PLA2G4D: variants seen among roughly 807,000 people sequenced by gnomAD.
PLA2G4D encodes the protein phospholipase A2 group IVD, also known as cytosolic phospholipase A2 delta.
A neutral mutation model predicts 94.4 loss-of-function variants in PLA2G4D; 80 were observed. The observed-to-expected ratio is 0.85, with a 90% CI of 0.71 to 1.02. The LOEUF (loss-of-function observed/expected upper bound fraction) is 1.02, where lower values mean the gene tolerates loss of function less well. Ranked by LOEUF, PLA2G4D falls within the 50% of genes least tolerant of loss-of-function variation. The pLI is 0.00. For missense variants in PLA2G4D, 1,050 were observed against 1,034.7 expected, an observed-to-expected ratio of 1.01 and a Z score of -0.20; for synonymous variants, 438 against 440.9, an observed-to-expected ratio of 0.99 and a Z score of 0.08.
At chr15:42,071,574 A>T (rs773830060) in intron 15 of PLA2G4D, 23 bp from the exon 16 acceptor site, 46 of 1,594,780 alleles carry the variant, frequency 2.9e-5, no homozygotes, top group Non-Finnish European at 3.9e-5. Context: ...AAAAGAGATC[A>T]GCCTCAGGCC....
rs1281631456 is a variant in PLA2G4D at position 42,086,221 on chromosome 15, T to A, written c.379A>T (p.Ser127Cys). The change falls in exon 4 of 20, where the codon AGT becomes TGT. Residue 127 changes from serine (S) to cysteine (C), a missense_variant. Physicochemically the swap from Ser to Cys is moderately radical, Grantham distance 112. Coordinates refer to ENST00000290472, the MANE Select transcript of PLA2G4D (RefSeq NM_178034.4). ...CCCACCCACCCACCCACCTGGGGAC[T>A]CTGGGAGAAGGTTTTCCGGAGCAGC... ...GKLLRKTFSQ[S>C]PQGEEELDVE... 1.4e-6 allele frequency: 1 copy of A among 696,966 alleles called. No individual in the cohort carries two copies. The highest frequency in any genetic ancestry group is 2.6e-5 in the Admixed American group (1 of 38,758). 43.2% of individuals were successfully genotyped at this position (696,966 alleles called of 1,614,324 possible).
chr15:42,070,595 C>T, intron 18 of PLA2G4D, 122 bp downstream of exon 18: 1 of 1,252,880 alleles, frequency 8.0e-7, no homozygotes, highest in Non-Finnish European at 1.1e-6. Flanking sequence ...AGATCAAGGC[C>T]TGACACCTCT....
At position 42,082,337 on chromosome 15, in the gene PLA2G4D, A is replaced by G; in HGVS notation, c.725T>C (p.Val242Ala). Residue 242 changes from valine to alanine, a missense_variant, in exon 9 of 20, where the codon GTG (valine) becomes GCG (alanine). Val to Ala is a moderately conservative substitution (Grantham distance 64). Coordinates refer to ENST00000290472, the MANE Select transcript of PLA2G4D (RefSeq NM_178034.4). ...NGDNSAGYLT[V>A]PLRPLTIGKE... ...CCCAATGGTCAAGGGCCTCAGGGGC[A>G]CAGTGAGGTACCCAGCTGAGTTGTC... 6.2e-7 allele frequency: 1 copy of G among 1,614,166 alleles called. No individual in the cohort carries two copies. Among genetic ancestry groups the G allele is most frequent in the Non-Finnish European group, 8.5e-7 (1 of 1,180,022 alleles).
chr15:42,075,284 A>C (rs1889898269), intron 13 of PLA2G4D, among the ~76,000 whole-genome samples: 1 of 152,244 alleles, frequency 6.6e-6, no homozygotes, highest in African/African-American at 2.4e-5. Flanking sequence ...ATGGTAATTA[A>C]ATAAAAGTCT....
intron 19 of PLA2G4D, 78 bp from the exon 20 acceptor site, chr15:42,069,019 G>GC: frequency 7.5e-7 from 1 of 1,335,092 alleles, no homozygotes; most frequent in Non-Finnish European, 1.0e-6. Context: ...AGGGAGGGCT[G>GC]CCCCCGCTGG....
rs1030630823 is a variant in PLA2G4D, at chr15:42,067,394, A to C, written c.*1321T>G. ...CTACAAAAAACCATTTTTTTAATTT[A>C]GCCAAGTATGGTGTTACATGCCTGT... is the stretch of plus-strand genomic sequence containing the variant. On this transcript the variant is annotated 3_prime_UTR_variant, in exon 20 of 20. Transcript: ENST00000290472. The C allele has an allele frequency of 6.6e-6, 1 of 152,104 alleles. No individual in the cohort carries two copies. Among genetic ancestry groups the C allele is most frequent in the Non-Finnish European group, 1.5e-5 (1 of 68,018 alleles). The allele number at this position is 152,104 out of a possible 1,614,324, so 9.4% of individuals were successfully genotyped here. A position where few individuals can be genotyped will look rare whatever the true frequency, so the allele number is the denominator to read the frequency against.
At chr15:42,088,666 G>A (rs890550747) in intron 1 of PLA2G4D, among the ~76,000 whole-genome samples, 1 of 152,186 alleles carries the variant, frequency 6.6e-6, no homozygotes, top group African/African-American at 2.4e-5. Context: ...CCTGTGGGCT[G>A]ACCCCAAGGA....
In PLA2G4D at chr15:42,081,038, T is replaced by C; in HGVS notation, c.1053A>G (p.Leu351=). ...TGCCACTGAAGTAGGTCACACAGTCTAGGAGGCCCAGCTTCTGCAAGGCCA... is the reference window on the plus strand; with the variant it reads ...TGCCACTGAAGTAGGTCACACAGTCCAGGAGGCCCAGCTTCTGCAAGGCCA... ...HLLALQKLGL[L]DCVTYFSGIS... is the part of the protein sequence containing the mutation. Residue 351 remains leucine (L), a synonymous_variant, in exon 12 of 20, where the codon CTA becomes CTG. Coordinates refer to ENST00000290472, the MANE Select transcript of PLA2G4D (RefSeq NM_178034.4). 2.5e-6 allele frequency: 4 copies of C among 1,614,090 alleles called. No individual in the cohort carries two copies. Among genetic ancestry groups the C allele is most frequent in the Non-Finnish European group, 3.4e-6 (4 of 1,179,990 alleles).
At chr15:42,073,619 G>A (rs1889868050) in intron 13 of PLA2G4D, among the ~76,000 whole-genome samples, 1 of 152,282 alleles carries the variant, frequency 6.6e-6, no homozygotes, top group Non-Finnish European at 1.5e-5. Flanking sequence ...CCAACCTGCC[G>A]CAGCAGCCCT....
At chr15:42,081,271 G>A (rs1419717417) in intron 11 of PLA2G4D, 138 bp from the exon 12 acceptor site, 1 of 1,451,482 alleles carries the variant, frequency 6.9e-7, no homozygotes, top group South Asian at 1.4e-5. Context: ...GGTTAGAGCT[G>A]GGTCCAGCCC....
chr15:42,090,772 G>A (rs1890232645), intron 1 of PLA2G4D, among the ~76,000 whole-genome samples: 1 of 152,212 alleles, frequency 6.6e-6, no homozygotes, highest in Non-Finnish European at 1.5e-5. Context: ...GAGGGAAAAG[G>A]GGGAAGGGGT....
At chr15:42,072,013 C>A (rs1187646870) in intron 14 of PLA2G4D, 102 bp from the exon 15 acceptor site, 2 of 1,420,034 alleles carry the variant, frequency 1.4e-6, no homozygotes, top group Non-Finnish European at 1.9e-6. Context: ...AGGCCTGAGC[C>A]CTGCTGTGCC....
intron 1 of PLA2G4D, among the ~76,000 whole-genome samples, chr15:42,088,882 C>T (rs1890200892): frequency 6.6e-6 from 1 of 152,116 alleles, no homozygotes; most frequent in African/African-American, 2.4e-5. Flanking sequence ...GGCAGGACCC[C>T]CAGGAGGCAC....
chr15:42,093,519 C>G (rs576138989), intron 1 of PLA2G4D, among the ~76,000 whole-genome samples: 271 of 152,326 alleles, frequency 1.8e-3, no homozygotes, highest in Middle Eastern at 3.4e-3. Flanking sequence ...TGGACTCCCC[C>G]GCATCCAAAT....
At chr15:42,072,437 C>T in intron 13 of PLA2G4D, 45 bp from the exon 14 acceptor site, 1 of 1,527,852 alleles carries the variant, frequency 6.5e-7, no homozygotes, top group Non-Finnish European at 9.0e-7. Context: ...TGGGAGTACC[C>T]TGGAGGCAGT....
intron 15 of PLA2G4D, 89 bp downstream of exon 15, chr15:42,071,685 A>T: frequency 2.0e-6 from 2 of 976,436 alleles, no homozygotes; most frequent in Non-Finnish European, 3.0e-6. Context: ...CCTTGTCCTG[A>T]GGTTCTGCCC....
rs1208446175 is a variant in PLA2G4D at position 42,084,037 on chromosome 15, A to C, written c.472-258T>G. The C allele has an allele frequency of 1.4e-5, 7 of 504,112 alleles. No individual in the cohort carries two copies. The highest frequency in any genetic ancestry group is 3.3e-5 in the Admixed American group (1 of 30,290). 31.2% of individuals were successfully genotyped at this position (504,112 alleles called of 1,614,324 possible). A position where few individuals can be genotyped will look rare whatever the true frequency, so the allele number is the denominator to read the frequency against. On this transcript the variant is annotated intron_variant, in intron 6 of 19. Coordinates refer to ENST00000290472, the MANE Select transcript of PLA2G4D (RefSeq NM_178034.4). This position sits in a 1 kb window ranked among gnomAD's most constrained non-coding sequence, Gnocchi z 4.8. The stretch of plus-strand genomic sequence containing the variant: ...TCCCCTGGCTTTGCCAAACTCCCGA[A>C]ACCTCCTAGAGCGCCCAGCCCTCAG...
In PLA2G4D at chr15:42,068,228, A is replaced by G. The variant is rs1307204293; in HGVS notation, c.*487T>C. On this transcript the variant is annotated 3_prime_UTR_variant, in exon 20 of 20. Coordinates refer to ENST00000290472, the MANE Select transcript of PLA2G4D (RefSeq NM_178034.4). ...TTAGGAATAAATTTAAACAAGTACAAGACTTGGATACGGAAAGCAGGAGGA... is the reference window on the plus strand; with the variant it reads ...TTAGGAATAAATTTAAACAAGTACAGGACTTGGATACGGAAAGCAGGAGGA... 1 of 154,408 alleles carries G rather than the reference A, an allele frequency of 6.5e-6. No homozygotes were observed. Among genetic ancestry groups the G allele is most frequent in the Non-Finnish European group, 1.4e-5 (1 of 69,442 alleles). 9.6% of individuals were successfully genotyped at this position (154,408 alleles called of 1,614,324 possible).
Position 42,086,363 on chromosome 15 carries a change from G to T in PLA2G4D, c.256-19C>A. 2 of 1,611,906 alleles carry T rather than the reference G, an allele frequency of 1.2e-6. No individual in the cohort carries two copies. The highest frequency in any genetic ancestry group is 2.2e-5 in the South Asian group (2 of 91,012). On this transcript the variant is annotated intron_variant, in intron 3 of 19. Transcript: ENST00000290472. ...GAACATTCTAGGAACCAGGAACAGC[G>T]ACTTAGCATTTTACCTGCTCATAGT...
Sources: allele counts gnomAD v4.1 joint callset (sites outside exome capture counted in the v4.1 genomes callset), GRCh38; gene constraint gnomAD v4.1.1; non-coding constraint Gnocchi (gnomAD v3.1); transcripts MANE v1.5; gene names NCBI Gene and HGNC (gene_info 2026-07-23, HGNC 2026-07-21).